The following ROBO1 variants were observed in gnomAD, a reference collection of about 807,000 sequenced individuals.
ROBO1 encodes roundabout homolog 1.
Under a neutral mutation model 195.9 loss-of-function variants are expected in ROBO1, and 149 were observed. The observed-to-expected ratio is 0.76, with a 90% confidence interval of 0.67 to 0.87. The LOEUF (loss-of-function observed/expected upper bound fraction) is 0.87. Among genes scored for constraint, ROBO1 ranks in the 40% least tolerant of loss-of-function variants. The pLI is 0.00. For missense variants in ROBO1, 1,933 were observed against 2,068.3 expected (o/e 0.93, Z 1.27); for synonymous variants, 816 against 733.2 (o/e 1.11, Z -1.82).
At chr3:79,071,568 G>A (rs1011392225) in intron 3 of ROBO1, among the ~76,000 whole-genome samples, 3 of 151,450 alleles carry the variant, frequency 2.0e-5, no homozygotes, top group Non-Finnish European at 2.9e-5. Flanking sequence ...TTTCTTTTCC[G>A]TGGGTGTCCT....
At chr3:79,547,521 T>C (rs887085101) in intron 2 of ROBO1, among the ~76,000 whole-genome samples, 3 of 152,184 alleles carry the variant, frequency 2.0e-5, no homozygotes, top group African/African-American at 7.2e-5. Context: ...TTAGGAAATT[T>C]CCAAATATAT....
intron 4 of ROBO1, among the ~76,000 whole-genome samples, chr3:78,808,228 A>G (rs1190826356): frequency 6.6e-6 from 1 of 152,110 alleles, no homozygotes; most frequent in Non-Finnish European, 1.5e-5. Context: ...TTTTTGAGAC[A>G]GACTCTCGCT....
At chr3:79,025,114 T>C (rs1323612059) in intron 3 of ROBO1, among the ~76,000 whole-genome samples, 1 of 152,150 alleles carries the variant, frequency 6.6e-6, no homozygotes, top group African/African-American at 2.4e-5. Context: ...CTTTGTTCTA[T>C]CACAATGGCT....
Position 78,839,887 on chromosome 3 carries a change from C to T in ROBO1, c.500-92987G>A, listed in dbSNP as rs527454948. Among the ~76,000 whole-genome samples the T allele has an allele frequency of 1.1e-4, 16 of 152,258 alleles. 1 individual carries two copies. The South Asian group carries it at 3.1e-3, about 30-fold the overall frequency. On this transcript the variant is annotated intron_variant, in intron 4 of 30. Transcript: ENST00000464233. The stretch of plus-strand genomic sequence containing the variant: ...GATAAAATGGTTCTGAATGAATCAG[C>T]CCTATGAATTCATGAATCATCTGTT...
At chr3:78,686,154 C>A (rs1037719344) in intron 9 of ROBO1, among the ~76,000 whole-genome samples, 1 of 152,064 alleles carries the variant, frequency 6.6e-6, no homozygotes, top group Non-Finnish European at 1.5e-5. Flanking sequence ...TATACATATA[C>A]AAGGTTTAAT....
At chr3:79,385,105 T>C (rs2036694811) in intron 2 of ROBO1, among the ~76,000 whole-genome samples, 1 of 152,160 alleles carries the variant, frequency 6.6e-6, no homozygotes, top group Non-Finnish European at 1.5e-5. Context: ...CCTGGAGTCA[T>C]ATGTTCAGAA....
intron 1 of ROBO1, among the ~76,000 whole-genome samples, chr3:79,601,513 C>A (rs1944339126): frequency 6.6e-6 from 1 of 151,854 alleles, no homozygotes; most frequent in African/African-American, 2.4e-5. Flanking sequence ...TGTTTCCATG[C>A]CTGCCATGTA....
chr3:79,675,662 ATTTCT>A (rs1390881468), intron 1 of ROBO1, among the ~76,000 whole-genome samples: 1 of 152,092 alleles, frequency 6.6e-6, no homozygotes, highest in Admixed American at 6.6e-5. Context: ...TTAAAAAATC[ATTTCT>A]TTTGATTGCT....
intron 1 of ROBO1, among the ~76,000 whole-genome samples, chr3:79,737,534 C>T (rs1245188034): frequency 6.6e-6 from 1 of 152,138 alleles, no homozygotes; most frequent in African/African-American, 2.4e-5. Context: ...AAAAGAATTT[C>T]TCTAAATCTT....
chr3:78,877,224 A>G (rs943127567), intron 4 of ROBO1, among the ~76,000 whole-genome samples: 22 of 152,226 alleles, frequency 1.4e-4, no homozygotes, highest in African/African-American at 5.1e-4. Flanking sequence ...TTAAAGTATA[A>G]TAAATGAAAA....
At chr3:78,728,432 A>C (rs1381479270) in intron 5 of ROBO1, among the ~76,000 whole-genome samples, 5 of 131,294 alleles carry the variant, frequency 3.8e-5, no homozygotes, top group Non-Finnish European at 7.9e-5. Flanking sequence ...AATATTCATA[A>C]GATTTTGTTT....
intron 3 of ROBO1, among the ~76,000 whole-genome samples, chr3:78,990,396 A>T (rs1327472167): frequency 6.6e-6 from 1 of 152,204 alleles, no homozygotes. Context: ...TGAATCTGAG[A>T]CAGGTTCTGG....
At chr3:79,420,064 A>G (rs1305842239) in intron 2 of ROBO1, among the ~76,000 whole-genome samples, 1 of 152,132 alleles carries the variant, frequency 6.6e-6, no homozygotes, top group Non-Finnish European at 1.5e-5. Context: ...AATAACTGTG[A>G]TGCTAGAAAG....
At chr3:78,656,121 G>T (rs972398306) in intron 18 of ROBO1, among the ~76,000 whole-genome samples, 1 of 147,784 alleles carries the variant, frequency 6.8e-6, no homozygotes. Context: ...TTTGATGTTA[G>T]TTTTTTTTTT....
intron 3 of ROBO1, among the ~76,000 whole-genome samples, chr3:79,017,871 T>C (rs1277205369): frequency 6.6e-6 from 1 of 152,118 alleles, no homozygotes; most frequent in Admixed American, 6.5e-5. Flanking sequence ...GTGAAGCTTC[T>C]TCAGAATCAA....
chr3:78,738,397 T>C (rs2082443160), intron 5 of ROBO1, among the ~76,000 whole-genome samples: 1 of 152,168 alleles, frequency 6.6e-6, no homozygotes, highest in South Asian at 2.1e-4. Context: ...TTATTTTTGG[T>C]TTATTGGTTT....
chr3:79,474,462 G>T (rs998162891), intron 2 of ROBO1, among the ~76,000 whole-genome samples: 2 of 151,984 alleles, frequency 1.3e-5, no homozygotes, highest in Admixed American at 1.3e-4. Flanking sequence ...GGTAATAATA[G>T]CATCAATTGC....
chr3:79,039,361 T>C (rs2078438849), intron 3 of ROBO1, among the ~76,000 whole-genome samples: 1 of 152,178 alleles, frequency 6.6e-6, no homozygotes, highest in Admixed American at 6.5e-5. Flanking sequence ...AAAGCTAAAG[T>C]GTTACGTAAT....
At chr3:79,273,291 TAACTACAAC>T (rs1358482404) in intron 2 of ROBO1, among the ~76,000 whole-genome samples, 4 of 152,040 alleles carry the variant, frequency 2.6e-5, no homozygotes, top group Admixed American at 2.6e-4. Flanking sequence ...TCAAAAACAA[TAACTACAAC>T]AACTTTTCCA....
Sources: gnomAD v4.1 joint callset for allele counts (sites outside exome capture counted in the v4.1 genomes callset) on GRCh38, gnomAD v4.1.1 for gene constraint, MANE v1.5 for transcripts, NCBI Gene and HGNC (gene_info 2026-07-23, HGNC 2026-07-21) for gene names.